Variants in GRIK3 observed in about 807,000 individuals in gnomAD.
GRIK3 encodes the protein glutamate receptor ionotropic, kainate 3.
A neutral mutation model predicts 102.5 loss-of-function variants in GRIK3; 29 were observed. The observed-to-expected ratio is 0.28, with a 90% CI of 0.21 to 0.39. The LOEUF is 0.39. Among genes scored for constraint, GRIK3 ranks in the 10% least tolerant of loss-of-function variants. The pLI is 1.00. For synonymous variants in GRIK3, 511 were observed against 504.9 expected (o/e 1.01, Z -0.16); for missense variants, 908 against 1,252.4 (o/e 0.73, Z 4.15).
At position 36,872,323 on chromosome 1, in the gene GRIK3, G is replaced by A. The variant is rs556382285; in HGVS notation, c.597C>T (p.Asn199=). The change falls in exon 4 of 16, where the codon AAC becomes AAT. Residue 199 remains asparagine, a synonymous_variant. Transcript: ENST00000373091. The surrounding 1 kb of genome is among the most constrained non-coding windows in gnomAD (Gnocchi z 5.9). ...QELIMAPSRY[N]IRLKIRQLPI... is the part of the protein sequence containing the mutation. ...GGAGCTGACGGATCTTCAGGCGGATGTTGTATCTTGATGGGGCCATGATGA... is the reference window on the plus strand; with the variant it reads ...GGAGCTGACGGATCTTCAGGCGGATATTGTATCTTGATGGGGCCATGATGA... 1.2e-6 allele frequency: 2 copies of A among 1,612,174 alleles called. No homozygotes were observed. Among genetic ancestry groups the A allele is most frequent in the Admixed American group, 3.3e-5 (2 of 59,740 alleles).
At chr1:37,001,719 C>G (rs1015132468) in intron 1 of GRIK3, among the ~76,000 whole-genome samples, 1 of 152,274 alleles carries the variant, frequency 6.6e-6, no homozygotes, top group Admixed American at 6.5e-5. Flanking sequence ...TTCCCAGAGG[C>G]AAAACCTGAG....
chr1:36,815,387 C>A (rs1642615492), intron 13 of GRIK3, among the ~76,000 whole-genome samples: 1 of 152,220 alleles, frequency 6.6e-6, no homozygotes, highest in African/African-American at 2.4e-5. Context: ...CCAACCCCTT[C>A]CTTCTCTCTT....
chr1:36,834,757 C>A (rs1640351931), intron 10 of GRIK3, among the ~76,000 whole-genome samples: 1 of 152,210 alleles, frequency 6.6e-6, no homozygotes, highest in Admixed American at 6.5e-5. Flanking sequence ...CCACCCCCTG[C>A]ATGTCCACAA....
At chr1:36,828,262 T>C (rs570028977) in intron 10 of GRIK3, among the ~76,000 whole-genome samples, 4 of 152,262 alleles carry the variant, frequency 2.6e-5, no homozygotes, top group Admixed American at 1.3e-4. Flanking sequence ...TTCTCTGTAA[T>C]GTTGACGTGA....
At chr1:36,837,391 C>G (rs556103229) in intron 10 of GRIK3, among the ~76,000 whole-genome samples, 1 of 152,282 alleles carries the variant, frequency 6.6e-6, no homozygotes, top group East Asian at 1.9e-4. Flanking sequence ...GAATTCCATG[C>G]CCTGTCCGCA....
chr1:36,989,163 G>T (rs1642338108), intron 1 of GRIK3, among the ~76,000 whole-genome samples: 1 of 152,120 alleles, frequency 6.6e-6, no homozygotes, highest in African/African-American at 2.4e-5. Flanking sequence ...CATGCTCCAT[G>T]GTCCCGCAAC....
At chr1:37,023,322 A>C (rs1325688784) in intron 1 of GRIK3, among the ~76,000 whole-genome samples, 5 of 141,696 alleles carry the variant, frequency 3.5e-5, no homozygotes, top group African/African-American at 8.8e-5. Context: ...GTGAGACTCT[A>C]TCTCAAAAAA....
intron 1 of GRIK3, among the ~76,000 whole-genome samples, chr1:36,908,819 G>A (rs1323772210): frequency 6.6e-6 from 1 of 151,802 alleles, no homozygotes; most frequent in East Asian, 1.9e-4. Context: ...AGGGAGGGGT[G>A]TGTAAGATGA....
intron 1 of GRIK3, among the ~76,000 whole-genome samples, chr1:36,986,452 A>ATCCATCCG (rs1642306709): frequency 6.8e-6 from 1 of 146,980 alleles, no homozygotes; most frequent in African/African-American, 2.6e-5. Flanking sequence ...CCATCCATCC[A>ATCCATCCG]TCCATCCATC....
chr1:36,857,215 G>A (rs1640663055), intron 7 of GRIK3, among the ~76,000 whole-genome samples: 1 of 152,162 alleles, frequency 6.6e-6, no homozygotes, highest in Admixed American at 6.5e-5. Context: ...AGGAGCAATA[G>A]GATCGAGGTG....
intron 1 of GRIK3, among the ~76,000 whole-genome samples, chr1:36,935,542 C>T (rs1417045526): frequency 6.6e-6 from 1 of 151,716 alleles, no homozygotes; most frequent in African/African-American, 2.4e-5. Flanking sequence ...TCCTCCCCTC[C>T]CCCATCTCTT....
In GRIK3 at chr1:36,955,066, C is replaced by T. The variant is rs116802931; in HGVS notation, c.116-63970G>A. On this transcript the variant is annotated intron_variant, in intron 1 of 15. Transcript: ENST00000373091. The stretch of plus-strand genomic sequence containing the variant: ...GTGTCAGGGTGGTAGACAGAGGCCT[C>T]AGCCACATGGGCCTCCAACCCCAAG... Among the ~76,000 whole-genome samples, 793 of 152,364 alleles carry T rather than the reference C, an allele frequency of 5.2e-3. 8 individuals carry two copies. The highest frequency in any genetic ancestry group is 0.018 in the African/African-American group (756 of 41,590).
At chr1:36,989,073 C>T (rs55950576) in intron 1 of GRIK3, among the ~76,000 whole-genome samples, 19,739 of 152,110 alleles carry the variant, frequency 0.13, 1,660 homozygotes, top group South Asian at 0.22. Context: ...GACACACCTC[C>T]CTCCCTGCAC....
chr1:36,834,007 C>T (rs888124488), intron 10 of GRIK3, among the ~76,000 whole-genome samples: 2 of 152,216 alleles, frequency 1.3e-5, no homozygotes, highest in Non-Finnish European at 2.9e-5. Context: ...CAGGACCTGT[C>T]AGCCCAGGCC....
intron 1 of GRIK3, among the ~76,000 whole-genome samples, chr1:36,960,725 C>T (rs1309110277): frequency 6.6e-6 from 1 of 152,216 alleles, no homozygotes; most frequent in Non-Finnish European, 1.5e-5. Flanking sequence ...TTGGAGGCTG[C>T]TCCATTCACC....
At chr1:36,889,317 C>A (rs984059829) in intron 2 of GRIK3, among the ~76,000 whole-genome samples, 1 of 151,500 alleles carries the variant, frequency 6.6e-6, no homozygotes, top group Non-Finnish European at 1.5e-5. Context: ...GAGAGGGCAG[C>A]ATGTGCGGAA....
chr1:36,863,969 A>C (rs1393693365), intron 5 of GRIK3, among the ~76,000 whole-genome samples: 2 of 152,210 alleles, frequency 1.3e-5, no homozygotes, highest in South Asian at 2.1e-4. Context: ...GGGCAGATGA[A>C]AATACTAGGT....
At chr1:36,946,513 G>A (rs1303670955) in intron 1 of GRIK3, among the ~76,000 whole-genome samples, 1 of 152,214 alleles carries the variant, frequency 6.6e-6, no homozygotes, top group African/African-American at 2.4e-5. Context: ...AAGGACTTGG[G>A]TAGTCTAGCC....
At chr1:36,835,798 C>G (rs918386973) in intron 10 of GRIK3, among the ~76,000 whole-genome samples, 4 of 152,224 alleles carry the variant, frequency 2.6e-5, no homozygotes, top group African/African-American at 9.6e-5. Flanking sequence ...TTGTCCGGAC[C>G]TGGACCCCTG....
Sources: gnomAD v4.1 joint callset for allele counts (sites outside exome capture counted in the v4.1 genomes callset) on GRCh38, gnomAD v4.1.1 for gene constraint, Gnocchi (gnomAD v3.1) non-coding constraint, MANE v1.5 for transcripts, NCBI Gene and HGNC (gene_info 2026-07-23, HGNC 2026-07-21) for gene names.